DSC1: variants seen among roughly 807,000 people sequenced by gnomAD.
DSC1 encodes the protein desmocollin-1.
Under a neutral mutation model 98.8 loss-of-function variants are expected in DSC1, and 79 were observed. That is an observed-to-expected ratio of 0.80 (90% CI 0.67 to 0.96). The LOEUF (loss-of-function observed/expected upper bound fraction) is 0.96, where lower values mean the gene tolerates loss of function less well. Among genes scored for constraint, DSC1 ranks in the 50% least tolerant of loss-of-function variants. DSC1 has a pLI of 0.00. For missense variants in DSC1, 1,115 were observed against 1,075.9 expected, an observed-to-expected ratio of 1.04 and a Z score of -0.51; for synonymous variants, 405 against 372.1, an observed-to-expected ratio of 1.09 and a Z score of -1.02.
At chr18:31,148,787 A>T in intron 5 of DSC1, 145 bp from the exon 6 acceptor site, 1 of 726,202 alleles carries the variant, frequency 1.4e-6, no homozygotes, top group Non-Finnish European at 2.1e-6. Context: ...ATAGAGAGAT[A>T]ACCCACAGAT....
At chr18:31,157,807 T>C (rs6506885) in intron 2 of DSC1, among the ~76,000 whole-genome samples, 85,127 of 152,056 alleles carry the variant, frequency 0.56, 24,115 homozygotes, top group East Asian at 0.66. Context: ...AATAAAATAT[T>C]TTCCTAGTGT....
At chr18:31,135,014 G>T (rs1359969031) in intron 11 of DSC1, among the ~76,000 whole-genome samples, 4 of 151,984 alleles carry the variant, frequency 2.6e-5, no homozygotes, top group African/African-American at 9.7e-5. Context: ...AAACTAAAAG[G>T]TATGAGATTA....
In DSC1 at chr18:31,134,074, G is replaced by A. The variant is rs770181232; in HGVS notation, c.1933C>T (p.Pro645Ser). Residue 645 changes from proline (P) to serine (S), a missense_variant, in exon 13 of 16, where the codon CCT becomes TCT. Transcript: ENST00000257198. Reference sequence around the variant, plus strand: ...CCATGCCTGTCTTTTATTTGAATAGGCACAGAATAATAGTTATAATCAAGA... The same window carrying A: ...CCATGCCTGTCTTTTATTTGAATAGACACAGAATAATAGTTATAATCAAGA... ...QNLDYNYYSV[P>S]IQIKDRHGLV... is the part of the protein sequence containing the mutation. 2 of 1,610,510 alleles carry A rather than the reference G, an allele frequency of 1.2e-6. No individual in the cohort carries two copies. The highest frequency in any genetic ancestry group is 1.7e-5 in the Admixed American group (1 of 59,914).
intron 1 of DSC1, among the ~76,000 whole-genome samples, chr18:31,160,338 T>C (rs1989186275): frequency 6.6e-6 from 1 of 152,220 alleles, no homozygotes. Context: ...GCTTTTTTAT[T>C]ATTTAAATAT....
intron 2 of DSC1, among the ~76,000 whole-genome samples, chr18:31,159,064 T>TTTTTTTTTTTTTTTAAA: frequency 1.0e-5 from 1 of 99,782 alleles, no homozygotes; most frequent in Non-Finnish European, 2.2e-5. Flanking sequence ...TTTTTTTTTT[T>TTTTTTTTTTTTTTTAAA]GAGACAGAGT....
intron 11 of DSC1, among the ~76,000 whole-genome samples, chr18:31,137,463 A>G (rs796441048): frequency 3.9e-5 from 6 of 152,236 alleles, no homozygotes; most frequent in African/African-American, 1.2e-4. Flanking sequence ...GATTCATAGG[A>G]CTCTCAAACA....
intron 9 of DSC1, among the ~76,000 whole-genome samples, chr18:31,141,214 GA>G (rs1387301394): frequency 6.6e-6 from 1 of 150,946 alleles, no homozygotes. Flanking sequence ...TTTAAATGGT[GA>G]AAAAAATATC....
At position 31,140,089 on chromosome 18, in the gene DSC1, A is replaced by G. The variant is rs1598617299; in HGVS notation, c.1473T>C (p.Leu491=). ...TTTCCGGGTCCAGTGCTTTGTATCC[A>G]AGGAGTTCTTGGCCAGCTGGGAAGC... ...QDGFPAGQEL[L]GYKALDPEIS... Residue 491 remains leucine (L), a synonymous_variant, in exon 10 of 16, where the codon CTT becomes CTC. Coordinates refer to ENST00000257198, the MANE Select transcript of DSC1 (RefSeq NM_024421.2). The G allele has an allele frequency of 6.2e-7, 1 of 1,614,048 alleles. No individual in the cohort carries two copies. The highest frequency in any genetic ancestry group is 2.2e-5 in the East Asian group (1 of 44,872).
At chr18:31,153,428 A>G (rs1477075216) in intron 5 of DSC1, among the ~76,000 whole-genome samples, 1 of 152,214 alleles carries the variant, frequency 6.6e-6, no homozygotes, top group Non-Finnish European at 1.5e-5. Context: ...ACTTGGATAC[A>G]CTATTTTTTA....
At chr18:31,155,472 A>G (rs1323362949) in intron 4 of DSC1, among the ~76,000 whole-genome samples, 1 of 150,970 alleles carries the variant, frequency 6.6e-6, no homozygotes, top group Non-Finnish European at 1.5e-5. Context: ...TCTACTAAAA[A>G]TACAAAAATT....
intron 2 of DSC1, 24 bp downstream of exon 2, chr18:31,159,421 G>T: frequency 6.2e-7 from 1 of 1,604,282 alleles, no homozygotes. Context: ...TTACAGCTAT[G>T]AAACTGTTAA....
At chr18:31,157,305 C>T in intron 3 of DSC1, 66 bp downstream of exon 3, 1 of 1,502,150 alleles carries the variant, frequency 6.7e-7, no homozygotes. Flanking sequence ...CGTTAAAACA[C>T]ATGAAACACG....
chr18:31,150,247 TACCACCACCACC>T (rs1227424135), intron 5 of DSC1, among the ~76,000 whole-genome samples: 9 of 56,670 alleles, frequency 1.6e-4, no homozygotes, highest in East Asian at 8.2e-4. Flanking sequence ...TCACCACCAC[TACCACCACCACC>T]ATCATCATCA....
chr18:31,148,147 T>A (rs919034911), intron 6 of DSC1, among the ~76,000 whole-genome samples: 3 of 152,162 alleles, frequency 2.0e-5, no homozygotes, highest in African/African-American at 7.2e-5. Flanking sequence ...CTCCAGACTT[T>A]CTAAGCATGC....
chr18:31,131,881 A>G (rs746000888), intron 14 of DSC1, 39 bp from the exon 15 acceptor site: 45 of 1,606,396 alleles, frequency 2.8e-5, no homozygotes, highest in Non-Finnish European at 3.7e-5. Flanking sequence ...AATTTGAAAA[A>G]TGGAAACTAA....
Position 31,142,204 on chromosome 18 carries a change from T to C in DSC1, c.1075-20A>G, listed in dbSNP as rs75606589. On this transcript the variant is annotated intron_variant, in intron 8 of 15. Coordinates refer to ENST00000257198, the MANE Select transcript of DSC1 (RefSeq NM_024421.2). ...AACATACTGAAAGAATTGCCCCTTA[T>C]TATTATCAATTTACAACTTTGACAA... is the stretch of plus-strand genomic sequence containing the variant. 3,690 of 1,590,586 alleles carry C rather than the reference T, an allele frequency of 2.3e-3. 92 individuals carry two copies. In the African/African-American group the frequency reaches 0.043, roughly 19 times the overall value.
At chr18:31,155,989 T>C in intron 4 of DSC1, 54 bp downstream of exon 4, 3 of 1,591,044 alleles carry the variant, frequency 1.9e-6, no homozygotes, top group Non-Finnish European at 2.6e-6. Flanking sequence ...AAATGAAAAG[T>C]TTAAGAACAA....
rs3841560 is a variant in DSC1, at chr18:31,143,825, CT to C, written c.940-35del. ...AAGGAAAAAACTACATTAATGAACA[CT>C]TTTATTTCCTATAACTTGCAATTCT... On this transcript the variant is annotated intron_variant, in intron 7 of 15. Coordinates refer to ENST00000257198, the MANE Select transcript of DSC1 (RefSeq NM_024421.2). 798 of 1,493,088 alleles carry C rather than the reference CT, an allele frequency of 5.3e-4. 3 individuals are homozygous for C. In the East Asian group the frequency reaches 0.012, roughly 23 times the overall value. The allele number at this position is 1,493,088 out of a possible 1,614,324, so 92.5% of individuals were successfully genotyped here.
In DSC1 at chr18:31,148,492, A is replaced by T. The variant is rs1988893543; in HGVS notation, c.772+6T>A. The T allele has an allele frequency of 6.3e-7, 1 of 1,590,714 alleles. No homozygotes were observed. The highest frequency in any genetic ancestry group is 1.3e-5 in the African/African-American group (1 of 74,688). ...CTTGTCATGCTACAATAAAATGTGA[A>T]CTTACCGGATCGGCAATTTTCAGGC... On this transcript the variant is annotated splice_donor_region_variant and intron_variant, in intron 6 of 15. Coordinates refer to ENST00000257198, the MANE Select transcript of DSC1 (RefSeq NM_024421.2).
Sources: allele counts gnomAD v4.1 joint callset (sites outside exome capture counted in the v4.1 genomes callset), GRCh38; gene constraint gnomAD v4.1.1; transcripts MANE v1.5; gene names NCBI Gene and HGNC (gene_info 2026-07-23, HGNC 2026-07-21).